Variants in TEAD1 observed in about 807,000 individuals in gnomAD.
TEAD1 encodes TEA domain transcription factor 1.
Under a neutral mutation model 54.9 loss-of-function variants are expected in TEAD1, and 9 were observed. That is an observed-to-expected ratio of 0.16 (90% CI 0.10 to 0.29). The LOEUF (loss-of-function observed/expected upper bound fraction) is 0.29. Among genes scored for constraint, TEAD1 ranks in the 10% least tolerant of loss-of-function variants. TEAD1 has a pLI of 1.00. For synonymous variants in TEAD1, 200 were observed against 187.8 expected (o/e 1.07, Z -0.53); for missense variants, 387 against 535.9 (o/e 0.72, Z 2.74).
At chr11:12,812,135 C>A (rs1475997104) in intron 3 of TEAD1, among the ~76,000 whole-genome samples, 3 of 152,118 alleles carry the variant, frequency 2.0e-5, no homozygotes, top group African/African-American at 7.2e-5. Context: ...GAAACACTGT[C>A]TTTATGATAT....
intron 5 of TEAD1, among the ~76,000 whole-genome samples, chr11:12,871,976 G>C (rs1947755184): frequency 6.6e-6 from 1 of 152,130 alleles, no homozygotes; most frequent in South Asian, 2.1e-4. Context: ...ACTAATTTAT[G>C]AGCTACATGT....
rs551530354 is a variant in TEAD1 at position 12,937,043 on chromosome 11, C to T, written c.1168-66C>T. ...TGTTCTTCTCCAATTAAGTCATAGT[C>T]GTCATACACAGATGGAATATGTTTT... On this transcript the variant is annotated intron_variant, in intron 12 of 12. Coordinates refer to ENST00000527636, the MANE Select transcript of TEAD1 (RefSeq NM_021961.6). 113 of 1,107,904 alleles carry T rather than the reference C, an allele frequency of 1.0e-4. No individual in the cohort carries two copies. In the African/African-American group the frequency reaches 1.1e-3, roughly 11 times the overall value. 68.6% of individuals were successfully genotyped at this position (1,107,904 alleles called of 1,614,324 possible).
intron 3 of TEAD1, among the ~76,000 whole-genome samples, chr11:12,814,775 C>CTGTGTG (rs1491548230): frequency 2.1e-5 from 3 of 142,130 alleles, no homozygotes; most frequent in Admixed American, 7.1e-5. Context: ...CATCGCAGAG[C>CTGTGTG]TCTGTGTGTG....
At chr11:12,741,482 T>G (rs1309973052) in intron 2 of TEAD1, among the ~76,000 whole-genome samples, 1 of 152,196 alleles carries the variant, frequency 6.6e-6, no homozygotes, top group East Asian at 1.9e-4. Flanking sequence ...GAGATGTGAT[T>G]ATAGTCTTTA....
At chr11:12,787,470 A>C (rs1027799373) in intron 3 of TEAD1, among the ~76,000 whole-genome samples, 1 of 152,190 alleles carries the variant, frequency 6.6e-6, no homozygotes, top group Non-Finnish European at 1.5e-5. Context: ...GGAGCTTTAG[A>C]GCCTTCTGAG....
At position 12,881,041 on chromosome 11, in the gene TEAD1, T is replaced by A; in HGVS notation, c.502T>A (p.Ser168Thr). ...AATGATTCAAACAGGGCAGCCAGGA[T>A]CCTCACAAGAGTAAGTCTGAGGAGG... is the stretch of plus-strand genomic sequence containing the variant. The change falls in exon 7 of 13, where the codon TCC becomes ACC. Residue 168 changes from serine (S) to threonine (T), a missense_variant. Around this residue, in one of 5 missense-constraint regions of TEAD1, gnomAD observed 180 missense variants for 180.6 expected, o/e 1.00. Coordinates refer to ENST00000527636, the MANE Select transcript of TEAD1 (RefSeq NM_021961.6). The A allele has an allele frequency of 1.2e-6, 2 of 1,614,116 alleles. No individual in the cohort carries two copies. The highest frequency in any genetic ancestry group is 1.7e-6 in the Non-Finnish European group (2 of 1,180,020).
At chr11:12,936,135 G>A (rs1023981119) in intron 12 of TEAD1, among the ~76,000 whole-genome samples, 19 of 152,162 alleles carry the variant, frequency 1.2e-4, no homozygotes, top group Non-Finnish European at 2.4e-4. Flanking sequence ...TCACTGACGC[G>A]TTTCATGTTT....
intron 10 of TEAD1, 69 bp from the exon 11 acceptor site, chr11:12,924,843 A>C: frequency 1.9e-6 from 3 of 1,595,700 alleles, no homozygotes; most frequent in Non-Finnish European, 2.6e-6. Context: ...CTTACCCTGA[A>C]AGTTACTGCT....
chr11:12,793,120 G>T (rs562764345), intron 3 of TEAD1, among the ~76,000 whole-genome samples: 23 of 146,598 alleles, frequency 1.6e-4, no homozygotes, highest in East Asian at 9.9e-4. Flanking sequence ...CTATGAAGTG[G>T]TTTTTTTTTT....
At chr11:12,692,935 T>C (rs1943492737) in intron 2 of TEAD1, among the ~76,000 whole-genome samples, 1 of 152,200 alleles carries the variant, frequency 6.6e-6, no homozygotes, top group Non-Finnish European at 1.5e-5. Flanking sequence ...GTTTTTTGTG[T>C]TCTTTTCCCC....
chr11:12,682,580 A>G (rs1458028585), intron 2 of TEAD1, among the ~76,000 whole-genome samples: 1 of 151,988 alleles, frequency 6.6e-6, no homozygotes, highest in Non-Finnish European at 1.5e-5. Context: ...CTGTGGATAA[A>G]CCACCCTGTT....
chr11:12,830,506 G>A (rs1323000647), intron 3 of TEAD1, among the ~76,000 whole-genome samples: 1 of 151,864 alleles, frequency 6.6e-6, no homozygotes, highest in African/African-American at 2.4e-5. Flanking sequence ...AGGGAGTGGT[G>A]CCCAGGCTCT....
intron 10 of TEAD1, among the ~76,000 whole-genome samples, chr11:12,912,790 G>A (rs896796849): frequency 4.6e-5 from 7 of 151,966 alleles, no homozygotes; most frequent in East Asian, 1.9e-4. Flanking sequence ...CAGGGCTTCC[G>A]GGCAGAATCT....
chr11:12,879,955 G>C lies in TEAD1; in HGVS notation c.465+113G>C, dbSNP rs75286826. The C allele has an allele frequency of 6.4e-3, 9,575 of 1,499,014 alleles. 460 individuals are homozygous for C. The African/African-American group carries it at 0.11, about 17-fold the overall frequency. 92.9% of individuals were successfully genotyped at this position (1,499,014 alleles called of 1,614,324 possible). A position where few individuals can be genotyped will look rare whatever the true frequency, so the allele number is the denominator to read the frequency against. ...TCATGTGGGTCAGGTATGTGAGAGG[G>C]CAAAGGCTACCTTGTCAACTGATAA... On this transcript the variant is annotated intron_variant, in intron 6 of 12. Coordinates refer to ENST00000527636, the MANE Select transcript of TEAD1 (RefSeq NM_021961.6).
intron 2 of TEAD1, among the ~76,000 whole-genome samples, chr11:12,680,446 A>G (rs1464770488): frequency 2.6e-5 from 4 of 152,236 alleles, no homozygotes; most frequent in Non-Finnish European, 4.4e-5. Context: ...TGGTGGTGAA[A>G]TAAAAGGAGC....
chr11:12,830,444 G>T (rs866307294), intron 3 of TEAD1, among the ~76,000 whole-genome samples: 1 of 152,004 alleles, frequency 6.6e-6, no homozygotes, highest in Non-Finnish European at 1.5e-5. Flanking sequence ...GCTCCTGAAG[G>T]GTAGCTTCAT....
intron 3 of TEAD1, among the ~76,000 whole-genome samples, chr11:12,832,708 G>A (rs1424661838): frequency 6.6e-6 from 1 of 152,222 alleles, no homozygotes; most frequent in African/African-American, 2.4e-5. Context: ...CTTGTGCCAA[G>A]GGCATGATGC....
At chr11:12,711,956 T>C (rs1307550285) in intron 2 of TEAD1, among the ~76,000 whole-genome samples, 1 of 152,142 alleles carries the variant, frequency 6.6e-6, no homozygotes, top group Non-Finnish European at 1.5e-5. Context: ...AGAGCCTGCC[T>C]CTCTCTTCTC....
intron 3 of TEAD1, among the ~76,000 whole-genome samples, chr11:12,834,126 C>T (rs1004070296): frequency 2.0e-5 from 3 of 152,260 alleles, no homozygotes; most frequent in Admixed American, 6.5e-5. Context: ...AAGTGGCTGA[C>T]GACCAGCCCT....
Sources: gnomAD v4.1 joint callset for allele counts (sites outside exome capture counted in the v4.1 genomes callset) on GRCh38, gnomAD v4.1.1 for gene constraint, gnomAD v4.1.1 regional missense constraint, MANE v1.5 for transcripts, NCBI Gene and HGNC (gene_info 2026-07-23, HGNC 2026-07-21) for gene names.